Variants in SLC60A1 observed in about 807,000 individuals in gnomAD.
SLC60A1 encodes the protein major facilitator superfamily domain containing 4.
chr1:205,573,256 A>C, the SLC60A1 span, among the ~76,000 whole-genome samples: 20 of 151,926 alleles, frequency 1.3e-4, no homozygotes, highest in African/African-American at 4.4e-4. Context: ...ACTAAAAAAA[A>C]AACAAAAACA....
the SLC60A1 span, among the ~76,000 whole-genome samples, chr1:205,575,807 C>A: frequency 6.6e-6 from 1 of 152,238 alleles, no homozygotes; most frequent in Non-Finnish European, 1.5e-5. Context: ...GTTTTCCAGA[C>A]TGTCCAGGCT....
chr1:205,577,176 A>T, the SLC60A1 span, among the ~76,000 whole-genome samples: 1 of 151,936 alleles, frequency 6.6e-6, no homozygotes, highest in Non-Finnish European at 1.5e-5. This position sits in a 1 kb window ranked among gnomAD's most constrained non-coding sequence, Gnocchi z 5.2. Flanking sequence ...CCCACTGTAC[A>T]CCGGGCACCT....
chr1:205,599,357 C>A, the SLC60A1 span: 2 of 1,375,534 alleles, frequency 1.5e-6, no homozygotes, highest in South Asian at 1.4e-5. Context: ...AAACGCTGCT[C>A]TGTTCCAAGT....
the SLC60A1 span, among the ~76,000 whole-genome samples, chr1:205,590,579 G>A: frequency 6.6e-6 from 1 of 152,184 alleles, no homozygotes; most frequent in African/African-American, 2.4e-5. Context: ...GGAGCGTAAA[G>A]GCCTCAAGGA....
At chr1:205,588,067 T>C in the SLC60A1 span, among the ~76,000 whole-genome samples, 6 of 152,034 alleles carry the variant, frequency 3.9e-5, no homozygotes, top group African/African-American at 1.4e-4. Context: ...ATCTATAAAT[T>C]AAACAAATAC....
the SLC60A1 span, among the ~76,000 whole-genome samples, chr1:205,581,607 G>A: frequency 6.6e-6 from 1 of 152,172 alleles, no homozygotes; most frequent in African/African-American, 2.4e-5. This position sits in a 1 kb window ranked among gnomAD's most constrained non-coding sequence, Gnocchi z 4.2. Context: ...CCTGGGTTGG[G>A]GAGGACTGTC....
At chr1:205,572,934 A>G in the SLC60A1 span, among the ~76,000 whole-genome samples, 1 of 152,232 alleles carries the variant, frequency 6.6e-6, no homozygotes, top group South Asian at 2.1e-4. Flanking sequence ...AAACAAACCA[A>G]ATGTCCATCA....
the SLC60A1 span, chr1:205,598,490 G>A: frequency 6.5e-6 from 1 of 153,092 alleles, no homozygotes; most frequent in Non-Finnish European, 1.5e-5. Context: ...CTGACAGAGA[G>A]GACCTCACAT....
chr1:205,574,690 G>T, the SLC60A1 span, among the ~76,000 whole-genome samples: 1 of 152,180 alleles, frequency 6.6e-6, no homozygotes, highest in Non-Finnish European at 1.5e-5. Flanking sequence ...TTTCTGGGGA[G>T]ATGATATTAA....
At chr1:205,593,209 G>A in the SLC60A1 span, among the ~76,000 whole-genome samples, 2 of 152,024 alleles carry the variant, frequency 1.3e-5, no homozygotes, top group Admixed American at 6.6e-5. Context: ...GGTGGCTCAC[G>A]CCTGTAATCC....
At chr1:205,601,359 G>A in the SLC60A1 span, 1 of 152,174 alleles carries the variant, frequency 6.6e-6, no homozygotes, top group African/African-American at 2.4e-5. Flanking sequence ...CCTGGTGGGA[G>A]TATTACCATG....
chr1:205,577,534 C>T, the SLC60A1 span, among the ~76,000 whole-genome samples: 1 of 152,216 alleles, frequency 6.6e-6, no homozygotes, highest in Admixed American at 6.5e-5. This position sits in a 1 kb window ranked among gnomAD's most constrained non-coding sequence, Gnocchi z 5.2. Context: ...GTTAGAGGCG[C>T]ATGTTCTAGA....
At chr1:205,595,496 C>G in the SLC60A1 span, among the ~76,000 whole-genome samples, 1 of 152,104 alleles carries the variant, frequency 6.6e-6, no homozygotes, top group Admixed American at 6.5e-5. Context: ...TTTGACCCAT[C>G]TCAAGACTTT....
the SLC60A1 span, among the ~76,000 whole-genome samples, chr1:205,573,132 C>A: frequency 1.3e-5 from 2 of 152,050 alleles, no homozygotes; most frequent in Admixed American, 6.6e-5. Context: ...GTATATTGGC[C>A]GGGCACATTG....
chr1:205,579,537 T>A, the SLC60A1 span: 1 of 599,266 alleles, frequency 1.7e-6, no homozygotes, highest in East Asian at 2.8e-5. Flanking sequence ...CTTTGTGAAG[T>A]GTCCTGCAGC....
the SLC60A1 span, among the ~76,000 whole-genome samples, chr1:205,593,517 A>T: frequency 0.015 from 2,301 of 151,376 alleles, 66 homozygotes; most frequent in African/African-American, 0.054. Flanking sequence ...GTTGGTGTAC[A>T]GGGAGAGTCA....
the SLC60A1 span, chr1:205,586,053 T>C: frequency 6.2e-7 from 1 of 1,605,688 alleles, no homozygotes; most frequent in South Asian, 1.1e-5. Context: ...TCCGCCTTCG[T>C]GTACAGCTAT....
the SLC60A1 span, among the ~76,000 whole-genome samples, chr1:205,576,338 G>A: frequency 1.3e-5 from 2 of 152,244 alleles, no homozygotes; most frequent in African/African-American, 4.8e-5. Context: ...GGGGTGGCAA[G>A]TGGCCAGGGG....
the SLC60A1 span, among the ~76,000 whole-genome samples, chr1:205,575,417 C>A: frequency 1.3e-5 from 2 of 152,152 alleles, no homozygotes; most frequent in African/African-American, 4.8e-5. Context: ...GGGGGCTGGG[C>A]TTCAGCAGCA....
Sources: gnomAD v4.1 joint callset for allele counts (sites outside exome capture counted in the v4.1 genomes callset) on GRCh38, gnomAD v4.1.1 for gene constraint, Gnocchi (gnomAD v3.1) non-coding constraint, MANE v1.5 for transcripts, NCBI Gene and HGNC (gene_info 2026-07-23, HGNC 2026-07-21) for gene names.